TBC1D10C: variants seen among roughly 807,000 people sequenced by gnomAD.
The protein encoded by TBC1D10C is carabin.
Under a neutral mutation model 51.0 loss-of-function variants are expected in TBC1D10C, and 49 were observed. The ratio of observed to expected loss-of-function variants is 0.96; its 90% CI spans 0.76 to 1.22. The LOEUF is 1.22. TBC1D10C is among the 50% of genes most tolerant of loss of function. The probability of loss-of-function intolerance (pLI) is 0.00; values close to 1 mark genes in which losing one functional copy is unlikely to be tolerated. For missense variants in TBC1D10C, 541 were observed against 617.5 expected (o/e 0.88, Z 1.31); for synonymous variants, 281 against 266.7 (o/e 1.05, Z -0.52).
chr11:67,404,391 A>G, intron 1 of TBC1D10C, 37 bp downstream of exon 1: 2 of 1,533,944 alleles, frequency 1.3e-6, no homozygotes, highest in Non-Finnish European at 1.8e-6. Context: ...GAATGCTGGG[A>G]CAGAGGACAG....
At chr11:67,403,936 AGGAGGTGAGGTGCTGCG>A, upstream of TBC1D10C, 2 of 373,770 alleles carry the variant, frequency 5.4e-6, no homozygotes, top group Non-Finnish European at 9.6e-6. Flanking sequence ...AAGTGAGAGG[AGGAGGTGAGGTGCTGCG>A]GGAGGTGAGC....
In TBC1D10C at chr11:67,407,067, G is replaced by T. The variant is rs1307694895; in HGVS notation, c.838+51G>T. ...GCAGGAGCCTTGGGGTGTGGGTGGGGAGGTAGCTCACCAGCTCCAGGGTTC... is the reference window on the plus strand; with the variant it reads ...GCAGGAGCCTTGGGGTGTGGGTGGGTAGGTAGCTCACCAGCTCCAGGGTTC... On this transcript the variant is annotated intron_variant, in intron 7 of 8. Transcript: ENST00000542590. 22 of 1,554,196 alleles carry T rather than the reference G, an allele frequency of 1.4e-5. No homozygotes were observed. In the East Asian group the frequency reaches 5.0e-4, roughly 35 times the overall value.
In TBC1D10C at chr11:67,405,386, G is replaced by C. The variant is rs369934071; in HGVS notation, c.253-13G>C. 1.2e-6 allele frequency: 2 copies of C among 1,612,198 alleles called. No homozygotes were observed. Among genetic ancestry groups the C allele is most frequent in the African/African-American group, 2.7e-5 (2 of 74,930 alleles). On this transcript the variant is annotated splice_polypyrimidine_tract_variant and intron_variant, in intron 2 of 8. Coordinates refer to ENST00000542590, the MANE Select transcript of TBC1D10C (RefSeq NM_001369496.1). ...TGGAGGCTGCCTAGTGGAGCCCTTG[G>C]CCTCACCCACAGGTAAAGATGCAGT...
rs1253235943 is a variant in TBC1D10C at position 67,409,110 on chromosome 11, CAGG to C, written c.977_979del (p.Glu326del). On this transcript the variant is annotated inframe_deletion, in exon 8 of 9. Coordinates refer to ENST00000542590, the MANE Select transcript of TBC1D10C (RefSeq NM_001369496.1). ...TCGAGCCATCCCCCCCGCGCAGCTG[CAGG>C]AGGAGGCCTTCATGTCACAGGTGGG... 1 of 1,598,980 alleles carries C rather than the reference CAGG, an allele frequency of 6.3e-7. No individual in the cohort carries two copies. Among genetic ancestry groups the C allele is most frequent in the South Asian group, 1.1e-5 (1 of 89,460 alleles).
At position 67,404,372 on chromosome 11, in the gene TBC1D10C, G is replaced by A. The variant is rs1418286474; in HGVS notation, c.152+18G>A. The A allele has an allele frequency of 6.4e-7, 1 of 1,552,378 alleles. No individual in the cohort carries two copies. The highest frequency in any genetic ancestry group is 2.4e-5 in the East Asian group (1 of 42,440). The stretch of plus-strand genomic sequence containing the variant: ...GAGCCAGGGTAAGGGGGCAGGGTGA[G>A]GGCTGGCGGAATGCTGGGACAGAGG... On this transcript the variant is annotated intron_variant, in intron 1 of 8. Coordinates refer to ENST00000542590, the MANE Select transcript of TBC1D10C (RefSeq NM_001369496.1).
In TBC1D10C at chr11:67,406,609, G is replaced by A; in HGVS notation, c.583-18G>A. 6.4e-7 allele frequency: 1 copy of A among 1,558,540 alleles called. No individual in the cohort carries two copies. Among genetic ancestry groups the A allele is most frequent in the Non-Finnish European group, 8.7e-7 (1 of 1,149,952 alleles). ...CCTTGGTGAGCACTTACAGGCCTGT[G>A]CCCTGCCCCTTCCCCAGGAGGCCTT... On this transcript the variant is annotated intron_variant, in intron 5 of 8. Transcript: ENST00000542590.
In TBC1D10C at chr11:67,409,695, A is replaced by T; in HGVS notation, c.1282A>T (p.Ile428Phe). ...CCTGACTCGGGCCCGGGGCCCCCCCATCGAGGGGCCCCCCAGGCCCCAACG... is the reference window on the plus strand; with the variant it reads ...CCTGACTCGGGCCCGGGGCCCCCCCTTCGAGGGGCCCCCCAGGCCCCAACG... ...GLLTRARGPP[I>F]EGPPRPQRGS... The change falls in exon 9 of 9, where the codon ATC (isoleucine) becomes TTC (phenylalanine). Residue 428 changes from isoleucine (I) to phenylalanine (F), a missense_variant. Transcript: ENST00000542590. The T allele has an allele frequency of 1.3e-6, 2 of 1,594,288 alleles. No homozygotes were observed. The highest frequency in any genetic ancestry group is 1.7e-6 in the Non-Finnish European group (2 of 1,177,372).
chr11:67,405,265 C>T, intron 2 of TBC1D10C, 81 bp downstream of exon 2: 1 of 1,505,180 alleles, frequency 6.6e-7, no homozygotes, highest in Non-Finnish European at 9.0e-7. Flanking sequence ...AATGTACCCA[C>T]CCTGTGTCCC....
At chr11:67,406,162 A>G (rs1863155546) in intron 5 of TBC1D10C, 145 bp downstream of exon 5, 3 of 663,366 alleles carry the variant, frequency 4.5e-6, no homozygotes, top group Non-Finnish European at 7.3e-6. Flanking sequence ...TGCCAGCCTC[A>G]GTGACCTTCA....
rs929189851 is a variant in TBC1D10C at position 67,405,444 on chromosome 11, C to T, written c.298C>T (p.Arg100Ter). ...RKGIPSALRA[R>*]CWPLLCGAHV... ...AGGCATCCCGTCTGCCCTGCGCGCC[C>T]GATGCTGGCCCCTGTTGTGTGGGGC... is the stretch of plus-strand genomic sequence containing the variant. Residue 100 changes from arginine (R) to a stop codon, truncating the protein, a stop_gained, in exon 3 of 9, where the codon CGA (arginine) becomes TGA (stop). Coordinates refer to ENST00000542590, the MANE Select transcript of TBC1D10C (RefSeq NM_001369496.1). LOFTEE classifies it high-confidence loss of function. The T allele has an allele frequency of 1.3e-5, 21 of 1,613,510 alleles. 1 individual carries two copies. Among genetic ancestry groups the T allele is most frequent in the Middle Eastern group, 1.6e-4 (1 of 6,080 alleles).
chr11:67,409,504 C>T lies in TBC1D10C; in HGVS notation c.1091C>T (p.Pro364Leu), dbSNP rs1565129511. ...TCCGCGCCGGGACCCCCGCCCCGGC[C>T]ACAGGTCCGCCTCGCCGGGGCCCAA... Reference protein sequence around the residue: ...PDSAPGPPPRPQVRLAGAQAI... With the variant: ...PDSAPGPPPRLQVRLAGAQAI... Residue 364 changes from proline (P) to leucine (L), a missense_variant, in exon 9 of 9, where the codon CCA becomes CTA. Physicochemically the swap from Pro to Leu is moderately conservative, Grantham distance 98. Transcript: ENST00000542590. 6.5e-7 allele frequency: 1 copy of T among 1,548,516 alleles called. No homozygotes were observed.
chr11:67,403,957 G>C, upstream of TBC1D10C: 1 of 415,074 alleles, frequency 2.4e-6, no homozygotes, highest in East Asian at 3.7e-5. Flanking sequence ...TGCTGCGGGA[G>C]GTGAGCTGGG....
chr11:67,404,075 G>A, upstream of TBC1D10C: 1 of 1,198,404 alleles, frequency 8.3e-7, no homozygotes, highest in Non-Finnish European at 1.1e-6. Context: ...AGACATAGGG[G>A]GCTTGGTGAG....
intron 7 of TBC1D10C, chr11:67,408,084 G>A (rs900095374): frequency 1.3e-5 from 2 of 152,298 alleles, no homozygotes; most frequent in African/African-American, 4.8e-5. Flanking sequence ...AGTATGAATA[G>A]TGATTGTTCC....
chr11:67,404,269 G>C lies in TBC1D10C; in HGVS notation c.67G>C (p.Gly23Arg), dbSNP rs1863048897. The change falls in exon 1 of 9, where the codon GGG (glycine) becomes CGG (arginine). Residue 23 changes from glycine (G) to arginine (R), a missense_variant. Transcript: ENST00000542590. ...PELQDDSSSL[G>R]SDSELSGPGP... ...GCTGCAGGATGACTCCAGCTCCTTG[G>C]GGTCCGACTCAGAGCTCAGCGGGCC... The C allele has an allele frequency of 6.2e-7, 1 of 1,604,428 alleles. No individual in the cohort carries two copies. The highest frequency in any genetic ancestry group is 1.3e-5 in the African/African-American group (1 of 74,388).
At chr11:67,407,319 T>C in intron 7 of TBC1D10C, 1 of 352,244 alleles carries the variant, frequency 2.8e-6, no homozygotes, top group South Asian at 6.8e-5. Flanking sequence ...CGCAGGCACC[T>C]GCTGGGTGCT....
At chr11:67,404,074 G>C, upstream of TBC1D10C, 1 of 1,183,912 alleles carries the variant, frequency 8.4e-7, no homozygotes, top group South Asian at 1.8e-5. Context: ...GAGACATAGG[G>C]GGCTTGGTGA....
chr11:67,404,991 G>A lies in TBC1D10C; in HGVS notation c.153-94G>A, dbSNP rs1014989630. On this transcript the variant is annotated intron_variant, in intron 1 of 8. Transcript: ENST00000542590. ...GGGCTCCCAGAGATCCCTAGGGCCAGGAGCTGGGTTCACCTGGGTAGCCTG... is the reference window on the plus strand; with the variant it reads ...GGGCTCCCAGAGATCCCTAGGGCCAAGAGCTGGGTTCACCTGGGTAGCCTG... 3 of 1,168,624 alleles carry A rather than the reference G, an allele frequency of 2.6e-6. No individual in the cohort carries two copies. The African/African-American group carries it at 4.6e-5, about 18-fold the overall frequency. 72.4% of individuals were successfully genotyped at this position (1,168,624 alleles called of 1,614,324 possible). A position where few individuals can be genotyped will look rare whatever the true frequency, so the allele number is the denominator to read the frequency against.
In TBC1D10C at chr11:67,406,922, C is replaced by G. The variant is rs1157542117; in HGVS notation, c.744C>G (p.Pro248=). Residue 248 remains proline, a synonymous_variant, in exon 7 of 9, where the codon CCC becomes CCG. Transcript: ENST00000542590. ...HKHLQQVGVG[P]LLYLPEWFLC... ...ACCTGCAGCAGGTGGGCGTCGGACC[C>G]CTGCTGTACCTGCCCGAGTGGTTCC... The G allele has an allele frequency of 6.2e-7, 1 of 1,612,834 alleles. No homozygotes were observed. The highest frequency in any genetic ancestry group is 8.5e-7 in the Non-Finnish European group (1 of 1,179,976).
Sources: gnomAD v4.1 joint callset for allele counts on GRCh38, gnomAD v4.1.1 for gene constraint, MANE v1.5 for transcripts, NCBI Gene and HGNC (gene_info 2026-07-23, HGNC 2026-07-21) for gene names.